Variants in EPHA6 observed in about 807,000 individuals in gnomAD.
EPHA6 encodes ephrin type-A receptor 6.
A neutral mutation model predicts 112.0 loss-of-function variants in EPHA6; 50 were observed. The observed-to-expected ratio is 0.45, with a 90% CI of 0.36 to 0.56. The LOEUF (loss-of-function observed/expected upper bound fraction) is 0.56, where lower values mean the gene tolerates loss of function less well. EPHA6 is among the 20% of genes least tolerant of loss of function. The probability of loss-of-function intolerance (pLI) is 0.00; values close to 1 mark genes in which losing one functional copy is unlikely to be tolerated. For missense variants in EPHA6, 1,280 were observed against 1,417.4 expected (o/e 0.90, Z 1.56); for synonymous variants, 529 against 490.7 (o/e 1.08, Z -1.03).
chr3:97,380,038 C>T (rs905362192), intron 5 of EPHA6, among the ~76,000 whole-genome samples: 2 of 152,052 alleles, frequency 1.3e-5, no homozygotes, highest in Non-Finnish European at 2.9e-5. Flanking sequence ...AACAGGAGTT[C>T]ATGGGAGATA....
intron 3 of EPHA6, among the ~76,000 whole-genome samples, chr3:96,996,282 G>A (rs1225556624): frequency 1.3e-5 from 2 of 152,036 alleles, no homozygotes; most frequent in African/African-American, 2.4e-5. Context: ...TTTCTGCAAC[G>A]TCATCCTTGA....
intron 2 of EPHA6, among the ~76,000 whole-genome samples, chr3:96,939,073 T>C (rs2040779076): frequency 6.6e-6 from 1 of 152,184 alleles, no homozygotes; most frequent in Non-Finnish European, 1.5e-5. Context: ...TTCTCTTTTT[T>C]GGTTGTGTCT....
intron 2 of EPHA6, among the ~76,000 whole-genome samples, chr3:96,974,896 AAT>A (rs796631406): frequency 7.2e-4 from 110 of 152,216 alleles, no homozygotes; most frequent in African/African-American, 2.5e-3. Flanking sequence ...CATAGGAGGA[AAT>A]GAGAACAAGG....
In EPHA6 at chr3:97,044,798, GA is replaced by G. The variant is rs1157435865; in HGVS notation, c.1114+56807del. Among the ~76,000 whole-genome samples the G allele has an allele frequency of 7.2e-5, 11 of 152,042 alleles. 1 individual carries two copies. In the East Asian group the frequency reaches 2.1e-3, roughly 29 times the overall value. On this transcript the variant is annotated intron_variant, in intron 3 of 17. Coordinates refer to ENST00000389672, the MANE Select transcript of EPHA6 (RefSeq NM_001080448.3). ...CAAATAATAATTGAACTGTACATTAGAATACAGAGATATAGTAAATGGAATG... is the reference window on the plus strand; with the variant it reads ...CAAATAATAATTGAACTGTACATTAGATACAGAGATATAGTAAATGGAATG...
At chr3:97,638,993 CTT>C (rs1316807646) in intron 14 of EPHA6, among the ~76,000 whole-genome samples, 1 of 151,850 alleles carries the variant, frequency 6.6e-6, no homozygotes, top group Non-Finnish European at 1.5e-5. Context: ...TTTTTTGAAA[CTT>C]TGCTGTATTC....
chr3:97,095,840 G>A (rs1438880059), intron 3 of EPHA6, among the ~76,000 whole-genome samples: 1 of 151,952 alleles, frequency 6.6e-6, no homozygotes, highest in African/African-American at 2.4e-5. Flanking sequence ...TAAGTCTGGA[G>A]AGGAGCTTGA....
intron 13 of EPHA6, 98 bp from the exon 14 acceptor site, chr3:97,637,775 T>G: frequency 1.1e-6 from 1 of 878,812 alleles, no homozygotes; most frequent in Non-Finnish European, 1.8e-6. Context: ...CTTATCTTCA[T>G]TTGATCCAAT....
At chr3:97,142,008 A>C (rs1193419426) in intron 3 of EPHA6, among the ~76,000 whole-genome samples, 1 of 151,970 alleles carries the variant, frequency 6.6e-6, no homozygotes, top group Non-Finnish European at 1.5e-5. Context: ...TAATATATTG[A>C]CTTTGGAAAC....
Position 97,625,831 on chromosome 3 carries a change from A to G in EPHA6, c.2575-12042A>G, listed in dbSNP as rs181547933. ...TTGATAAAACAAAAGATTTAAGGAGATGAAAAGGTACAAAATCAAGGAACC... is the reference window on the plus strand; with the variant it reads ...TTGATAAAACAAAAGATTTAAGGAGGTGAAAAGGTACAAAATCAAGGAACC... On this transcript the variant is annotated intron_variant, in intron 13 of 17. Transcript: ENST00000389672. Among the ~76,000 whole-genome samples the G allele has an allele frequency of 2.6e-5, 4 of 151,850 alleles. No individual in the cohort carries two copies. In the East Asian group the frequency reaches 7.8e-4, roughly 29 times the overall value.
chr3:96,904,624 T>C (rs531246864), intron 2 of EPHA6, among the ~76,000 whole-genome samples: 43 of 151,902 alleles, frequency 2.8e-4, no homozygotes, highest in Non-Finnish European at 5.4e-4. Flanking sequence ...AAAAAAACTC[T>C]TCACAATAAA....
intron 2 of EPHA6, among the ~76,000 whole-genome samples, chr3:96,935,252 G>T (rs539990578): frequency 6.6e-6 from 1 of 151,682 alleles, no homozygotes; most frequent in East Asian, 1.9e-4. Flanking sequence ...TCATACTGGG[G>T]AAAAATAAAA....
At chr3:97,245,515 G>A (rs1190800068) in intron 5 of EPHA6, among the ~76,000 whole-genome samples, 1 of 151,756 alleles carries the variant, frequency 6.6e-6, no homozygotes, top group Non-Finnish European at 1.5e-5. Flanking sequence ...TATACACAAT[G>A]GCAGCATATT....
At chr3:97,619,078 G>T (rs900014633) in intron 13 of EPHA6, among the ~76,000 whole-genome samples, 5 of 151,940 alleles carry the variant, frequency 3.3e-5, no homozygotes, top group African/African-American at 9.7e-5. Flanking sequence ...TCAAGTAGTT[G>T]TGATCATCCC....
At chr3:97,645,268 A>G (rs1268026900) in intron 14 of EPHA6, among the ~76,000 whole-genome samples, 9 of 146,196 alleles carry the variant, frequency 6.2e-5, no homozygotes, top group Non-Finnish European at 1.4e-4. Context: ...ACCAACCCAA[A>G]TGTCCAACAA....
At chr3:97,565,904 C>G (rs2093258991) in intron 11 of EPHA6, among the ~76,000 whole-genome samples, 1 of 151,076 alleles carries the variant, frequency 6.6e-6, no homozygotes, top group South Asian at 2.1e-4. Context: ...GTAGTCCCAG[C>G]TACATGGGAG....
chr3:97,423,798 A>G (rs552446259), intron 6 of EPHA6, among the ~76,000 whole-genome samples: 42 of 152,332 alleles, frequency 2.8e-4, no homozygotes, highest in African/African-American at 9.9e-4. Flanking sequence ...TGGTACAGAA[A>G]CAGATACCTA....
At chr3:97,588,845 T>C (rs1560166231) in intron 11 of EPHA6, among the ~76,000 whole-genome samples, 1 of 152,184 alleles carries the variant, frequency 6.6e-6, no homozygotes, top group Non-Finnish European at 1.5e-5. Context: ...TCAGAGCTGA[T>C]TTGTTAAGCA....
intron 11 of EPHA6, among the ~76,000 whole-genome samples, chr3:97,544,952 CTT>C (rs1466846517): frequency 6.6e-6 from 1 of 152,136 alleles, no homozygotes; most frequent in Non-Finnish European, 1.5e-5. Flanking sequence ...ATTCTTCTCT[CTT>C]TTCTTCTTTA....
intron 4 of EPHA6, among the ~76,000 whole-genome samples, chr3:97,229,882 AT>A (rs552001832): frequency 6.6e-6 from 1 of 151,916 alleles, no homozygotes; most frequent in South Asian, 2.1e-4. Flanking sequence ...CTACTTAGGT[AT>A]TTTTTTTCCT....
Sources: allele counts gnomAD v4.1 joint callset (sites outside exome capture counted in the v4.1 genomes callset), GRCh38; gene constraint gnomAD v4.1.1; transcripts MANE v1.5; gene names NCBI Gene and HGNC (gene_info 2026-07-23, HGNC 2026-07-21).